Variants in REPS2 observed in about 807,000 individuals in gnomAD.
The protein encoded by REPS2 is RALBP1 associated Eps domain containing 2.
Under a neutral mutation model 53.6 loss-of-function variants are expected in REPS2, and 23 were observed. The ratio of observed to expected loss-of-function variants is 0.43; its 90% confidence interval spans 0.31 to 0.61. The LOEUF is 0.61. REPS2 is among the 20% of genes least tolerant of loss of function. The pLI, the probability that REPS2 is intolerant of heterozygous loss-of-function variation, is 0.11. For synonymous variants in REPS2, 238 were observed against 218.6 expected, an observed-to-expected ratio of 1.09 and a Z score of -0.78; for missense variants, 446 against 534.9, an observed-to-expected ratio of 0.83 and a Z score of 1.64.
chrX:17,111,585 T>A (rs1392762724), intron 14 of REPS2, among the ~76,000 whole-genome samples: 3 of 112,191 alleles, frequency 2.7e-5, no homozygotes, highest in Non-Finnish European at 5.6e-5. Flanking sequence ...AAAGAAGATA[T>A]AAACCAAGGC....
At chrX:17,109,930 G>A (rs1013502659) in intron 14 of REPS2, among the ~76,000 whole-genome samples, 2 of 112,489 alleles carry the variant, frequency 1.8e-5, no homozygotes, top group Admixed American at 9.4e-5. Flanking sequence ...TTAAATGGCA[G>A]TTCGTAGGCC....
intron 13 of REPS2, among the ~76,000 whole-genome samples, chrX:17,086,112 G>A (rs2148013230): frequency 9.0e-6 from 1 of 111,450 alleles, no homozygotes; most frequent in African/African-American, 3.3e-5. Flanking sequence ...TTCATAAAAA[G>A]TCATCTACCT....
At chrX:16,983,240 T>G (rs73630576) in intron 1 of REPS2, among the ~76,000 whole-genome samples, 39 of 112,232 alleles carry the variant, frequency 3.5e-4, no homozygotes, top group African/African-American at 1.2e-3. Flanking sequence ...CTTTTTTTGG[T>G]AATTATGTGA....
chrX:17,122,025 C>A (rs2148115452), intron 14 of REPS2, among the ~76,000 whole-genome samples: 1 of 111,794 alleles, frequency 8.9e-6, no homozygotes, highest in South Asian at 3.7e-4. Flanking sequence ...GCTAGGATTA[C>A]AGGCGTGAGC....
intron 14 of REPS2, among the ~76,000 whole-genome samples, chrX:17,126,422 A>G (rs1279404828): frequency 8.9e-6 from 1 of 112,541 alleles, no homozygotes; most frequent in Non-Finnish European, 1.9e-5. Flanking sequence ...TCTAAAATCC[A>G]GTCTATAGTC....
chrX:17,188,368 C>T, the REPS2 span, among the ~76,000 whole-genome samples: 2 of 112,134 alleles, frequency 1.8e-5, no homozygotes, highest in Non-Finnish European at 3.8e-5. Flanking sequence ...GACAGAGTGT[C>T]TCTGAGCAAA....
chrX:17,108,685 G>C (rs1368938254), intron 14 of REPS2, among the ~76,000 whole-genome samples: 1 of 111,309 alleles, frequency 9.0e-6, no homozygotes, highest in East Asian at 2.8e-4. Flanking sequence ...GATAAATTGG[G>C]GTTCCCTGCA....
At chrX:17,100,365 G>T in intron 13 of REPS2, 1 of 471,682 alleles carries the variant, frequency 2.1e-6, no homozygotes, top group South Asian at 3.6e-5. Context: ...CCCAGGAGCC[G>T]GAAAGGAATC....
At chrX:16,989,535 G>A (rs1002613772) in intron 1 of REPS2, among the ~76,000 whole-genome samples, 3 of 111,694 alleles carry the variant, frequency 2.7e-5, no homozygotes, top group Admixed American at 9.5e-5. Flanking sequence ...TGCAAACTAC[G>A]TATCCGACAA....
chrX:17,105,990 C>T (rs1413974372), intron 14 of REPS2, among the ~76,000 whole-genome samples: 1 of 111,698 alleles, frequency 9.0e-6, no homozygotes, highest in Non-Finnish European at 1.9e-5. Context: ...AGACTGCTGC[C>T]CCTCTACCCC....
At chrX:17,018,504 T>C (rs2061529198) in intron 2 of REPS2, among the ~76,000 whole-genome samples, 1 of 110,657 alleles carries the variant, frequency 9.0e-6, no homozygotes, top group Admixed American at 9.7e-5. Context: ...ATCTACTTTC[T>C]GGTTCTATGA....
At chrX:17,088,519 A>G (rs1292984431) in intron 13 of REPS2, among the ~76,000 whole-genome samples, 1 of 110,280 alleles carries the variant, frequency 9.1e-6, no homozygotes, top group Non-Finnish European at 1.9e-5. Flanking sequence ...CAACTCTCAC[A>G]TATTACCAAC....
At chrX:16,967,780 G>A (rs1038633412) in intron 1 of REPS2, among the ~76,000 whole-genome samples, 1 of 109,536 alleles carries the variant, frequency 9.1e-6, no homozygotes, top group African/African-American at 3.3e-5. Flanking sequence ...TAAGCTTGAT[G>A]TCATGTACTA....
At chrX:17,115,449 C>G (rs892652227) in intron 14 of REPS2, among the ~76,000 whole-genome samples, 4 of 112,189 alleles carry the variant, frequency 3.6e-5, no homozygotes, top group African/African-American at 1.3e-4. Context: ...GGTTTTATAC[C>G]GAGACATTCC....
chrX:17,164,063 T>C, the REPS2 span, among the ~76,000 whole-genome samples: 1 of 112,079 alleles, frequency 8.9e-6, no homozygotes, highest in Non-Finnish European at 1.9e-5. Flanking sequence ...CAGGAAGGAA[T>C]GGAACTATGT....
At chrX:17,178,314 C>T in the REPS2 span, among the ~76,000 whole-genome samples, 1 of 112,463 alleles carries the variant, frequency 8.9e-6, no homozygotes, top group South Asian at 3.7e-4. Flanking sequence ...CCCAGCTAAT[C>T]TTTCATTCTT....
At chrX:17,123,791 C>T (rs1254281630) in intron 14 of REPS2, among the ~76,000 whole-genome samples, 2 of 112,365 alleles carry the variant, frequency 1.8e-5, no homozygotes, top group African/African-American at 6.5e-5. Flanking sequence ...TGTGGATAGC[C>T]TGCTTTGTGG....
intron 7 of REPS2, among the ~76,000 whole-genome samples, chrX:17,054,047 TG>T (rs1341044468): frequency 8.9e-6 from 1 of 112,477 alleles, no homozygotes; most frequent in Non-Finnish European, 1.9e-5. Context: ...GTTAAGCTTA[TG>T]GGGTCTTAGA....
intron 5 of REPS2, among the ~76,000 whole-genome samples, chrX:17,043,479 T>C (rs973929074): frequency 3.2e-5 from 3 of 92,799 alleles, no homozygotes; most frequent in African/African-American, 1.3e-4. Context: ...TGTCCACTTA[T>C]CTTTAGGCTT....
Sources: gnomAD v4.1 joint callset for allele counts (sites outside exome capture counted in the v4.1 genomes callset) on GRCh38, gnomAD v4.1.1 for gene constraint, MANE v1.5 for transcripts, NCBI Gene and HGNC (gene_info 2026-07-23, HGNC 2026-07-21) for gene names.